NDUFAF2: variants seen among roughly 807,000 people sequenced by gnomAD.
NDUFAF2 encodes NADH dehydrogenase [ubiquinone] 1 alpha subcomplex assembly factor 2.
A neutral mutation model predicts 22.8 loss-of-function variants in NDUFAF2; 13 were observed. The ratio of observed to expected loss-of-function variants is 0.57; its 90% CI spans 0.37 to 0.91. NDUFAF2 has a LOEUF of 0.91. Among genes scored for constraint, NDUFAF2 ranks in the 40% least tolerant of loss-of-function variants. The probability of loss-of-function intolerance (pLI) is 0.01; values close to 1 mark genes in which losing one functional copy is unlikely to be tolerated. For synonymous variants in NDUFAF2, 53 were observed against 64.2 expected (o/e 0.83, Z 0.84); for missense variants, 162 against 195.2 (o/e 0.83, Z 1.01).
intron 1 of NDUFAF2, among the ~76,000 whole-genome samples, chr5:61,047,246 G>A (rs1751965350): frequency 6.6e-6 from 1 of 152,088 alleles, no homozygotes; most frequent in Middle Eastern, 3.4e-3. Context: ...TACTATTCTT[G>A]GCACTTTACA....
chr5:61,094,518 T>C (rs1249237914), intron 2 of NDUFAF2, among the ~76,000 whole-genome samples: 1 of 152,224 alleles, frequency 6.6e-6, no homozygotes, highest in Non-Finnish European at 1.5e-5. Context: ...AGCGCAGTTC[T>C]GAGCCCTTTC....
intron 1 of NDUFAF2, among the ~76,000 whole-genome samples, chr5:60,996,395 T>G (rs1454921208): frequency 6.6e-6 from 1 of 152,116 alleles, no homozygotes; most frequent in East Asian, 1.9e-4. Flanking sequence ...CAGTCTTGCC[T>G]TGGGTGAACT....
intron 2 of NDUFAF2, among the ~76,000 whole-genome samples, chr5:61,074,822 T>C (rs1752347965): frequency 6.6e-6 from 1 of 152,140 alleles, no homozygotes; most frequent in Admixed American, 6.5e-5. Context: ...GAAAAAGGTT[T>C]AATTGACTCA....
chr5:61,086,498 T>G (rs2111749596), intron 2 of NDUFAF2, among the ~76,000 whole-genome samples: 1 of 152,294 alleles, frequency 6.6e-6, no homozygotes, highest in East Asian at 1.9e-4. Flanking sequence ...TTTCTCACAC[T>G]TATATGGTCA....
At chr5:61,137,478 T>G (rs781636183) in intron 3 of NDUFAF2, among the ~76,000 whole-genome samples, 9 of 152,202 alleles carry the variant, frequency 5.9e-5, no homozygotes, top group Non-Finnish European at 1.3e-4. Context: ...GGTGTTGTTC[T>G]TATGTCTGGT....
In NDUFAF2 at chr5:61,147,437, C is replaced by CTTTTTT. The variant is rs1240336890; in HGVS notation, c.259-5255_259-5250dup. Among the ~76,000 whole-genome samples, 21 of 84,740 alleles carry CTTTTTT rather than the reference C, an allele frequency of 2.5e-4. 3 individuals are homozygous for CTTTTTT. The highest frequency in any genetic ancestry group is 1.7e-3 in the East Asian group (3 of 1,800). 55.6% of individuals were successfully genotyped at this position (84,740 alleles called of 152,430 possible). The stretch of plus-strand genomic sequence containing the variant: ...CTAATTTTTGTATTTTTTTTTCTTT[C>CTTTTTT]TTTTTTTTTTTTTTTTTGTAGCAAC... On this transcript the variant is annotated intron_variant, in intron 3 of 3. Transcript: ENST00000296597.
intron 1 of NDUFAF2, among the ~76,000 whole-genome samples, chr5:61,020,210 A>C (rs1330578155): frequency 6.6e-6 from 1 of 152,132 alleles, no homozygotes; most frequent in African/African-American, 2.4e-5. Flanking sequence ...TTTTCAAAGA[A>C]CTAGCTTTTA....
intron 2 of NDUFAF2, among the ~76,000 whole-genome samples, chr5:61,079,063 A>C (rs1752406723): frequency 6.6e-6 from 1 of 152,236 alleles, no homozygotes; most frequent in African/African-American, 2.4e-5. Context: ...GCCCTGATCC[A>C]GTTAAGCTTT....
At chr5:61,031,994 T>A (rs1301504160) in intron 1 of NDUFAF2, among the ~76,000 whole-genome samples, 1 of 152,236 alleles carries the variant, frequency 6.6e-6, no homozygotes, top group Non-Finnish European at 1.5e-5. Flanking sequence ...GAACTTTTTT[T>A]ATATATGTTT....
intron 1 of NDUFAF2, among the ~76,000 whole-genome samples, chr5:60,967,384 C>T: frequency 6.6e-6 from 1 of 151,852 alleles, no homozygotes; most frequent in Non-Finnish European, 1.5e-5. Flanking sequence ...ATGTTGAATA[C>T]AAGTGGTGAG....
chr5:61,085,867 T>C (rs906177909), intron 2 of NDUFAF2, among the ~76,000 whole-genome samples: 4 of 152,100 alleles, frequency 2.6e-5, no homozygotes, highest in Admixed American at 1.3e-4. Flanking sequence ...ATAATCCTAG[T>C]ACTTTGGGAG....
At chr5:61,071,216 T>C (rs576059679) in intron 1 of NDUFAF2, among the ~76,000 whole-genome samples, 1 of 152,286 alleles carries the variant, frequency 6.6e-6, no homozygotes, top group Admixed American at 6.5e-5. Context: ...TTAGTATCAG[T>C]CCCTTGTCCT....
chr5:60,972,773 GT>G (rs35076688), intron 1 of NDUFAF2, among the ~76,000 whole-genome samples: 3,407 of 103,860 alleles, frequency 0.033, 59 homozygotes, highest in Middle Eastern at 0.067. Context: ...TGTGTATTCT[GT>G]TTTTTTTTTT....
At chr5:61,021,815 A>G (rs1205293590) in intron 1 of NDUFAF2, among the ~76,000 whole-genome samples, 3 of 152,210 alleles carry the variant, frequency 2.0e-5, no homozygotes, top group South Asian at 4.1e-4. Flanking sequence ...CTTCTGCATT[A>G]ATCAGGCTTC....
intron 1 of NDUFAF2, among the ~76,000 whole-genome samples, chr5:60,970,944 G>A (rs1393194575): frequency 1.3e-5 from 2 of 151,920 alleles, no homozygotes; most frequent in Non-Finnish European, 2.9e-5. Flanking sequence ...TTATTTTAAA[G>A]TTTTCTTTTT....
At chr5:60,956,045 T>G (rs1750611017) in intron 1 of NDUFAF2, among the ~76,000 whole-genome samples, 1 of 151,784 alleles carries the variant, frequency 6.6e-6, no homozygotes, top group South Asian at 2.1e-4. Context: ...GGACTACAGA[T>G]ATGTGCCACC....
chr5:61,002,486 T>A (rs1751309331), intron 1 of NDUFAF2, among the ~76,000 whole-genome samples: 1 of 152,178 alleles, frequency 6.6e-6, no homozygotes, highest in Non-Finnish European at 1.5e-5. Flanking sequence ...AATTTATGGT[T>A]CTTTCTTCTC....
chr5:61,084,232 T>C (rs1752478770), intron 2 of NDUFAF2, among the ~76,000 whole-genome samples: 1 of 25,118 alleles, frequency 4.0e-5, no homozygotes, highest in South Asian at 1.9e-3. Flanking sequence ...TTTATGATTA[T>C]TTTTTTTCAT....
rs181995612 is a variant in NDUFAF2, at chr5:61,004,096, G to A, written c.127+58714G>A. Among the ~76,000 whole-genome samples, 306 of 151,888 alleles carry A rather than the reference G, an allele frequency of 2.0e-3. 3 individuals are homozygous for A. The highest frequency in any genetic ancestry group is 7.3e-3 in the African/African-American group (302 of 41,446). ...CTTGCCTATCCTGTAAAATATTTGT[G>A]CCTTTATAGTCCTTTGAAGTTTATT... On this transcript the variant is annotated intron_variant, in intron 1 of 3. Coordinates refer to ENST00000296597, the MANE Select transcript of NDUFAF2 (RefSeq NM_174889.5).
Sources: gnomAD v4.1 joint callset for allele counts (sites outside exome capture counted in the v4.1 genomes callset) on GRCh38, gnomAD v4.1.1 for gene constraint, MANE v1.5 for transcripts, NCBI Gene and HGNC (gene_info 2026-07-23, HGNC 2026-07-21) for gene names.